Variants in DENND4A observed in about 807,000 individuals in gnomAD.
The protein encoded by DENND4A is C-myc promoter-binding protein.
Under a neutral mutation model 199.3 loss-of-function variants are expected in DENND4A, and 70 were observed. That is an observed-to-expected ratio of 0.35 (90% confidence interval 0.29 to 0.43). The LOEUF (loss-of-function observed/expected upper bound fraction) is 0.43. Ranked by LOEUF, DENND4A falls within the 20% of genes least tolerant of loss-of-function variation. The pLI is 1.00. For missense variants in DENND4A, 1,723 were observed against 2,255.8 expected (o/e 0.76, Z 4.78); for synonymous variants, 686 against 766.9 (o/e 0.89, Z 1.74).
chr15:65,791,685 A>C (rs1243705321), intron 1 of DENND4A, among the ~76,000 whole-genome samples: 1 of 151,886 alleles, frequency 6.6e-6, no homozygotes, highest in Non-Finnish European at 1.5e-5. Flanking sequence ...TCCCAGATCC[A>C]GGACCTCCCC....
chr15:65,685,509 A>G (rs1397281717), intron 23 of DENND4A, among the ~76,000 whole-genome samples: 1 of 152,204 alleles, frequency 6.6e-6, no homozygotes, highest in Admixed American at 6.5e-5. Context: ...GTCTACATTC[A>G]CCTACAGTCA....
At chr15:65,781,747 G>A (rs1461569419) in intron 1 of DENND4A, among the ~76,000 whole-genome samples, 1 of 152,176 alleles carries the variant, frequency 6.6e-6, no homozygotes, top group African/African-American at 2.4e-5. Context: ...AGATACTGAT[G>A]CTGGAAAAAA....
chr15:65,751,927 G>A (rs1455252235), intron 4 of DENND4A, among the ~76,000 whole-genome samples: 1 of 152,084 alleles, frequency 6.6e-6, no homozygotes, highest in Non-Finnish European at 1.5e-5. Context: ...AGAGGAATAT[G>A]AGATCAAGAA....
intron 1 of DENND4A, chr15:65,766,462 CAATA>C (rs1275185625): frequency 6.6e-6 from 1 of 151,904 alleles, no homozygotes. Flanking sequence ...CTTTTTTTTG[CAATA>C]AATATGTCAG....
chr15:65,706,103 G>A lies in DENND4A; in HGVS notation c.2075C>T (p.Pro692Leu). 1 of 1,599,202 alleles carries A rather than the reference G, an allele frequency of 6.3e-7. No individual in the cohort carries two copies. The highest frequency in any genetic ancestry group is 8.5e-7 in the Non-Finnish European group (1 of 1,173,314). Reference protein sequence around the residue: ...IPHLPNGEEPPLQYSYNGFPV... With the variant: ...IPHLPNGEEPLLQYSYNGFPV... ...GCCTCTTGAATACCTGTACTGTAAA[G>A]GGGGTTCTTCACCATTGGGTAGGTG... is the stretch of plus-strand genomic sequence containing the variant. Residue 692 changes from proline to leucine, a missense_variant, in exon 15 of 33, where the codon CCT becomes CTT. By Grantham distance (98) the Pro-to-Leu change is moderately conservative. This residue lies in a region of DENND4A where 725 missense variants were observed against 952.9 expected (regional missense o/e 0.76). Coordinates refer to ENST00000443035, the MANE Select transcript of DENND4A (RefSeq NM_001320835.1).
At chr15:65,727,798 A>T (rs954182425) in intron 11 of DENND4A, 1 of 390,286 alleles carries the variant, frequency 2.6e-6, no homozygotes, top group African/African-American at 2.1e-5. Context: ...TTAAATTTAA[A>T]ATAAGGGACA....
intron 1 of DENND4A, among the ~76,000 whole-genome samples, chr15:65,764,252 C>T (rs574369586): frequency 6.6e-6 from 1 of 152,122 alleles, no homozygotes; most frequent in African/African-American, 2.4e-5. Context: ...AATCCTAACA[C>T]TTTGGGAGGT....
chr15:65,764,089 T>C (rs1443959192), intron 1 of DENND4A, among the ~76,000 whole-genome samples: 1 of 152,214 alleles, frequency 6.6e-6, no homozygotes, highest in Non-Finnish European at 1.5e-5. Context: ...AATTATGAAT[T>C]ATGGATGTGC....
intron 4 of DENND4A, among the ~76,000 whole-genome samples, chr15:65,743,336 T>A (rs555910311): frequency 6.6e-6 from 1 of 152,336 alleles, no homozygotes; most frequent in South Asian, 2.1e-4. Flanking sequence ...TTCCTTATTG[T>A]TCCTAAAACA....
At chr15:65,674,166 G>A (rs1351051338) in intron 24 of DENND4A, among the ~76,000 whole-genome samples, 1 of 151,928 alleles carries the variant, frequency 6.6e-6, no homozygotes, top group Non-Finnish European at 1.5e-5. Context: ...TATAAAATGA[G>A]TTTTATAACC....
intron 4 of DENND4A, among the ~76,000 whole-genome samples, chr15:65,748,558 A>G (rs776583050): frequency 1.3e-5 from 2 of 151,666 alleles, no homozygotes; most frequent in Non-Finnish European, 2.9e-5. Flanking sequence ...GTTTGAGGCT[A>G]CAAAGAGCTA....
intron 14 of DENND4A, among the ~76,000 whole-genome samples, chr15:65,713,821 A>C (rs1348838108): frequency 6.6e-6 from 1 of 152,180 alleles, no homozygotes; most frequent in Non-Finnish European, 1.5e-5. Flanking sequence ...GGGGCTGGCC[A>C]TTTCTCTGAG....
chr15:65,776,366 C>T (rs2077283328), intron 1 of DENND4A, among the ~76,000 whole-genome samples: 1 of 152,144 alleles, frequency 6.6e-6, no homozygotes, highest in Non-Finnish European at 1.5e-5. Flanking sequence ...TAATCACCTC[C>T]ATTGTTTTTT....
chr15:65,731,884 T>C lies in DENND4A; in HGVS notation c.1108-184A>G, dbSNP rs76609503. Among the ~76,000 whole-genome samples, 962 of 152,222 alleles carry C rather than the reference T, an allele frequency of 6.3e-3. 3 individuals carry two copies. The highest frequency in any genetic ancestry group is 0.01 in the Non-Finnish European group (711 of 67,914). ...AAAACATGTCCTGACCCCTTTCAAC[T>C]ACTAATTCTTCTTACTGTGAATCCT... On this transcript the variant is annotated intron_variant, in intron 8 of 32. Transcript: ENST00000443035.
rs1555417420 is a variant in DENND4A, at chr15:65,690,869, G to A, written c.3725C>T (p.Pro1242Leu). The change falls in exon 23 of 33, where the codon CCA becomes CTA. Residue 1242 changes from proline to leucine, a missense_variant. Physicochemically the swap from Pro to Leu is moderately conservative, Grantham distance 98. Transcript: ENST00000443035. The part of the protein sequence containing the change: ...DEDDSKSIST[P>L]SARRDLAEEI... ...TTCAGCTAAATCACGCCTAGCAGAT[G>A]GTGTTGAAATGCTTTTGCTATCATC... The A allele has an allele frequency of 1.2e-6, 2 of 1,611,578 alleles. No individual in the cohort carries two copies. The highest frequency in any genetic ancestry group is 1.1e-5 in the South Asian group (1 of 90,808).
intron 24 of DENND4A, among the ~76,000 whole-genome samples, chr15:65,676,163 TATAC>T (rs1336681864): frequency 1.0e-4 from 15 of 146,326 alleles, no homozygotes; most frequent in African/African-American, 3.7e-4. Flanking sequence ...TATATATATA[TATAC>T]CTATACCTAT....
chr15:65,778,876 A>G (rs1272883315), intron 1 of DENND4A, among the ~76,000 whole-genome samples: 5 of 146,092 alleles, frequency 3.4e-5, no homozygotes, highest in Non-Finnish European at 7.5e-5. Flanking sequence ...CCCGGGTGAC[A>G]CAACGAGACT....
At chr15:65,698,382 A>G (rs145238046) in intron 20 of DENND4A, among the ~76,000 whole-genome samples, 263 of 152,342 alleles carry the variant, frequency 1.7e-3, no homozygotes, top group African/African-American at 6.1e-3. Context: ...CACAAAAGAT[A>G]AAGTTTTGAA....
intron 1 of DENND4A, among the ~76,000 whole-genome samples, chr15:65,791,593 C>G (rs1333067360): frequency 5.3e-5 from 8 of 152,146 alleles, no homozygotes. Flanking sequence ...GCACCCCGGG[C>G]TCCCCCCGCC....
Sources: gnomAD v4.1 joint callset for allele counts (sites outside exome capture counted in the v4.1 genomes callset) on GRCh38, gnomAD v4.1.1 for gene constraint, gnomAD v4.1.1 regional missense constraint, MANE v1.5 for transcripts, NCBI Gene and HGNC (gene_info 2026-07-23, HGNC 2026-07-21) for gene names.